The following SPIRE1 variants were observed in gnomAD, a reference collection of about 807,000 sequenced individuals.
SPIRE1 encodes the protein protein spire homolog 1.
In SPIRE1, 40 loss-of-function variants were observed where a neutral mutation model predicts 94.1. The observed-to-expected ratio is 0.43, with a 90% CI of 0.33 to 0.55. The LOEUF (loss-of-function observed/expected upper bound fraction) is 0.55, where lower values mean the gene tolerates loss of function less well. SPIRE1 is among the 20% of genes least tolerant of loss of function. The pLI is 0.06. For missense variants in SPIRE1, 838 were observed against 975.2 expected (o/e 0.86, Z 1.87); for synonymous variants, 376 against 371.7 (o/e 1.01, Z -0.13).
Position 12,479,778 on chromosome 18 carries a change from G to A in SPIRE1, c.1325C>T (p.Thr442Ile). ...CCGCTGTGCAGGCACCTGCTGTGAGGTACTTAACCCGTTTTCTTTTGTTTG... is the reference window on the plus strand; with the variant it reads ...CCGCTGTGCAGGCACCTGCTGTGAGATACTTAACCCGTTTTCTTTTGTTTG... The part of the protein sequence containing the change: ...TSQTKENGLS[T>I]SQQVPAQRKK... Residue 442 changes from threonine (T) to isoleucine (I), a missense_variant, in exon 10 of 17, where the codon ACC becomes ATC. Physicochemically the swap from Thr to Ile is moderately conservative, Grantham distance 89 (BLOSUM62 -1). This residue lies in a region of SPIRE1 where 645 missense variants were observed against 804.7 expected (regional missense o/e 0.80). Coordinates refer to ENST00000409402, the MANE Select transcript of SPIRE1 (RefSeq NM_001128626.2). The A allele has an allele frequency of 6.2e-7, 1 of 1,614,130 alleles. No individual in the cohort carries two copies. Among genetic ancestry groups the A allele is most frequent in the Non-Finnish European group, 8.5e-7 (1 of 1,180,010 alleles).
chr18:12,448,852 C>G lies in SPIRE1; in HGVS notation c.*786G>C, dbSNP rs2143465147. ...GCTCAACGTCTTGACAAACTTTTAG[C>G]CTTCCTTTGTCCTGAAACTCCCACA... On this transcript the variant is annotated 3_prime_UTR_variant, in exon 17 of 17. Transcript: ENST00000409402. The surrounding 1 kb of genome is among the most constrained non-coding windows in gnomAD (Gnocchi z 4.4). 1 of 152,602 alleles carries G rather than the reference C, an allele frequency of 6.6e-6. No homozygotes were observed. The highest frequency in any genetic ancestry group is 1.9e-4 in the East Asian group (1 of 5,188). The allele number at this position is 152,602 out of a possible 1,614,324, so 9.5% of individuals were successfully genotyped here. A position where few individuals can be genotyped will look rare whatever the true frequency, so the allele number is the denominator to read the frequency against.
chr18:12,637,408 T>C (rs2037964198), intron 1 of SPIRE1, among the ~76,000 whole-genome samples: 1 of 150,776 alleles, frequency 6.6e-6, no homozygotes, highest in Non-Finnish European at 1.5e-5. Context: ...CAGTAGGATA[T>C]ATTCTGAAGA....
At chr18:12,485,253 T>C (rs1332602105) in intron 9 of SPIRE1, among the ~76,000 whole-genome samples, 1 of 152,016 alleles carries the variant, frequency 6.6e-6, no homozygotes, top group East Asian at 1.9e-4. Flanking sequence ...TACAGGTGTG[T>C]GCCACCACGC....
Position 12,546,658 on chromosome 18 carries a change from T to A in SPIRE1, c.603+16A>T, listed in dbSNP as rs199907168. 1.3e-6 allele frequency: 2 copies of A among 1,584,090 alleles called. No homozygotes were observed. The highest frequency in any genetic ancestry group is 2.2e-5 in the South Asian group (2 of 90,378). On this transcript the variant is annotated intron_variant, in intron 3 of 16. Transcript: ENST00000409402. ...ACTCTTGAAAAAAACAAGTACTGCA[T>A]AAAACGCTGCCTTACCTTCATGACA...
chr18:12,601,431 C>T (rs994514266), intron 2 of SPIRE1, among the ~76,000 whole-genome samples: 6 of 151,808 alleles, frequency 4.0e-5, no homozygotes, highest in African/African-American at 9.7e-5. Context: ...TCAAAAAAAA[C>T]GAAAACAAAA....
intron 2 of SPIRE1, among the ~76,000 whole-genome samples, chr18:12,565,847 A>G (rs543178389): frequency 6.6e-6 from 1 of 151,592 alleles, no homozygotes; most frequent in East Asian, 2.0e-4. Flanking sequence ...CAGCCTGGCC[A>G]ATATGGTGAA....
chr18:12,485,935 TA>T, intron 9 of SPIRE1, 23 bp downstream of exon 9: 3 of 1,522,384 alleles, frequency 2.0e-6, no homozygotes, highest in South Asian at 1.2e-5. Flanking sequence ...ACGTCAGGTG[TA>T]AAAGTGTTTT....
chr18:12,532,360 A>G (rs980196261), intron 4 of SPIRE1, among the ~76,000 whole-genome samples: 2 of 152,320 alleles, frequency 1.3e-5, no homozygotes, highest in Admixed American at 6.5e-5. Flanking sequence ...TTTGCCATAT[A>G]AGAAATTTAG....
chr18:12,579,107 A>C (rs1329622361), intron 2 of SPIRE1, among the ~76,000 whole-genome samples: 1 of 151,964 alleles, frequency 6.6e-6, no homozygotes, highest in African/African-American at 2.4e-5. Flanking sequence ...AGGAAAAAAA[A>C]CCCAAAAACC....
At chr18:12,492,560 T>C (rs1293049672) in intron 8 of SPIRE1, among the ~76,000 whole-genome samples, 2 of 152,192 alleles carry the variant, frequency 1.3e-5, no homozygotes, top group Non-Finnish European at 2.9e-5. Context: ...AAACCCATAA[T>C]AAACAAACAT....
chr18:12,634,243 G>A (rs980628178), intron 2 of SPIRE1, among the ~76,000 whole-genome samples: 19 of 125,856 alleles, frequency 1.5e-4, no homozygotes, highest in African/African-American at 5.0e-4. Flanking sequence ...GCGAGACTCC[G>A]TCTAAAAATA....
Position 12,546,868 on chromosome 18 carries a change from G to C in SPIRE1, c.409C>G (p.Leu137Val). 6.2e-7 allele frequency: 1 copy of C among 1,613,870 alleles called. No homozygotes were observed. Among genetic ancestry groups the C allele is most frequent in the Non-Finnish European group, 8.5e-7 (1 of 1,179,918 alleles). ...TCATTCTCCTTCAAACCATAGTCCA[G>C]TGCTTTATAAATAATAATTCCCAAA... ...ESLGIIIYKA[L>V]DYGLKENEER... Residue 137 changes from leucine (L) to valine (V), a missense_variant, in exon 3 of 17, where the codon CTG becomes GTG. Around this residue, in one of 2 missense-constraint regions of SPIRE1, gnomAD observed 645 missense variants for 804.7 expected, o/e 0.80. Coordinates refer to ENST00000409402, the MANE Select transcript of SPIRE1 (RefSeq NM_001128626.2).
intron 1 of SPIRE1, among the ~76,000 whole-genome samples, chr18:12,649,090 C>T (rs2038304867): frequency 6.6e-6 from 1 of 151,998 alleles, no homozygotes; most frequent in African/African-American, 2.4e-5. Flanking sequence ...CTCTTTTCAA[C>T]TTTTCTGTAA....
chr18:12,602,927 C>T (rs183024552), intron 2 of SPIRE1, among the ~76,000 whole-genome samples: 14 of 152,294 alleles, frequency 9.2e-5, no homozygotes, highest in Middle Eastern at 6.8e-3. Flanking sequence ...GTGAAGAACC[C>T]ATTGATTTGT....
At chr18:12,459,092 C>T (rs988263963) in intron 12 of SPIRE1, among the ~76,000 whole-genome samples, 8 of 152,028 alleles carry the variant, frequency 5.3e-5, no homozygotes, top group East Asian at 1.9e-4. Flanking sequence ...TTTTATTTCA[C>T]GTAGAATTGT....
chr18:12,467,947 C>T (rs2032189704), intron 10 of SPIRE1, among the ~76,000 whole-genome samples: 1 of 151,074 alleles, frequency 6.6e-6, no homozygotes, highest in Non-Finnish European at 1.5e-5. Context: ...GAAACTCCAT[C>T]TCAAAAGGAA....
At chr18:12,453,281 ACAGCTGGCTCTGTGATGC>A (rs1301740527) in intron 13 of SPIRE1, 143 bp from the exon 14 acceptor site, 1 of 553,182 alleles carries the variant, frequency 1.8e-6, no homozygotes, top group Non-Finnish European at 3.2e-6. Context: ...CCTGTTTATA[ACAGCTGGCTCTGTGATGC>A]TGATAATGTA....
intron 2 of SPIRE1, among the ~76,000 whole-genome samples, chr18:12,549,436 G>GTTTTTTTTTTTTTTTTTTTTTT (rs1345452411): frequency 1.7e-4 from 9 of 51,918 alleles, no homozygotes; most frequent in Non-Finnish European, 2.6e-4. Flanking sequence ...TTTTGTTATT[G>GTTTTTTTTTTTTTTTTTTTTTT]TTGTTTTTTT....
In SPIRE1 at chr18:12,452,557, C is replaced by T. The variant is rs144820544; in HGVS notation, c.1848-45G>A. 622 of 1,604,778 alleles carry T rather than the reference C, an allele frequency of 3.9e-4. 2 individuals carry two copies. The highest frequency in any genetic ancestry group is 6.9e-4 in the African/African-American group (52 of 74,834). The stretch of plus-strand genomic sequence containing the variant: ...TGTTATTTGGCATGATACCAGGGGA[C>T]GCAACTGGGAGTTAGAGAAGCCTAT... On this transcript the variant is annotated intron_variant, in intron 14 of 16. Transcript: ENST00000409402.
Sources: gnomAD v4.1 joint callset for allele counts (sites outside exome capture counted in the v4.1 genomes callset) on GRCh38, gnomAD v4.1.1 for gene constraint, gnomAD v4.1.1 regional missense constraint, Gnocchi (gnomAD v3.1) non-coding constraint, MANE v1.5 for transcripts, NCBI Gene and HGNC (gene_info 2026-07-23, HGNC 2026-07-21) for gene names.